MCPH1: variants seen among roughly 807,000 people sequenced by gnomAD.
The protein encoded by MCPH1 is microcephalin 1, also known as microcephalin.
In MCPH1, 104 loss-of-function variants were observed where a neutral mutation model predicts 84.5. The observed-to-expected ratio is 1.23, with a 90% CI of 1.05 to 1.45. The LOEUF (loss-of-function observed/expected upper bound fraction) is 1.45, where lower values mean the gene tolerates loss of function less well. MCPH1 is among the 40% of genes most tolerant of loss of function. MCPH1 has a pLI of 0.00. For missense variants in MCPH1, 1,498 were observed against 1,005.7 expected, an observed-to-expected ratio of 1.49 and a Z score of -6.62; for synonymous variants, 514 against 366.8, an observed-to-expected ratio of 1.40 and a Z score of -4.58.
chr8:6,640,484 G>C (rs1485393264), intron 13 of MCPH1, among the ~76,000 whole-genome samples: 1 of 152,052 alleles, frequency 6.6e-6, no homozygotes, highest in Non-Finnish European at 1.5e-5. Flanking sequence ...ATCTTAGATA[G>C]GAGATTTATC....
At chr8:6,556,747 G>A (rs1169461552) in intron 12 of MCPH1, among the ~76,000 whole-genome samples, 1 of 152,056 alleles carries the variant, frequency 6.6e-6, no homozygotes, top group Non-Finnish European at 1.5e-5. Flanking sequence ...CCAAGTAGCT[G>A]GGACCACAGC....
At chr8:6,620,274 T>C (rs973686543) in intron 12 of MCPH1, 7 of 152,130 alleles carry the variant, frequency 4.6e-5, no homozygotes, top group African/African-American at 1.5e-4. Flanking sequence ...CATGAGCATA[T>C]ATAAGTGTAT....
At chr8:6,535,099 A>G (rs1364441879) in intron 12 of MCPH1, among the ~76,000 whole-genome samples, 1 of 152,238 alleles carries the variant, frequency 6.6e-6, no homozygotes, top group Non-Finnish European at 1.5e-5. Context: ...ATAATAATTT[A>G]CAAAGTGGTA....
chr8:6,588,306 C>G (rs3020246), intron 12 of MCPH1, among the ~76,000 whole-genome samples: 1 of 151,746 alleles, frequency 6.6e-6, no homozygotes, highest in Admixed American at 6.6e-5. Context: ...AGCAAGTCAC[C>G]GTTATCAGAG....
chr8:6,626,989 A>C (rs2454524), intron 13 of MCPH1: 261,828 of 981,292 alleles, frequency 0.27, 35,354 homozygotes, highest in Non-Finnish European at 0.28. Flanking sequence ...ATTGCCAAAA[A>C]AAAAAAAAAG....
intron 9 of MCPH1, chr8:6,474,069 C>T (rs1176729655): frequency 2.5e-6 from 2 of 790,854 alleles, no homozygotes; most frequent in Non-Finnish European, 4.6e-6. Context: ...ATGTTGGCAT[C>T]TATTCTCAAC....
Position 6,503,084 on chromosome 8 carries a change from C to T in MCPH1, c.2214+3155C>T, listed in dbSNP as rs775100583. ...TTGAAAATAGTTCGAGACAGTTCCT[C>T]AGGTGGACTGGGATGTTTAGAAATC... On this transcript the variant is annotated intron_variant, in intron 12 of 13. Transcript: ENST00000344683. 1.1e-5 allele frequency: 17 copies of T among 1,613,846 alleles called. No individual in the cohort carries two copies. In the African/African-American group the frequency reaches 2.1e-4, roughly 20 times the overall value.
chr8:6,434,813 G>C (rs2440420), intron 4 of MCPH1, among the ~76,000 whole-genome samples: 140,024 of 152,274 alleles, frequency 0.92, 65,110 homozygotes, highest in East Asian at 0.99. Flanking sequence ...CGCTGAAAAC[G>C]AAGGAACCTA....
chr8:6,456,452 C>G (rs1484137958), intron 9 of MCPH1, among the ~76,000 whole-genome samples: 1 of 152,200 alleles, frequency 6.6e-6, no homozygotes, highest in Non-Finnish European at 1.5e-5. Flanking sequence ...GCCGCTTGAC[C>G]TAGTTCATTT....
chr8:6,600,482 G>A (rs2442565), intron 12 of MCPH1, among the ~76,000 whole-genome samples: 68,858 of 152,168 alleles, frequency 0.45, 17,546 homozygotes, highest in Middle Eastern at 0.62. Context: ...GGATTGGGGC[G>A]GCACTGGCCA....
chr8:6,562,854 G>A (rs779872359), intron 12 of MCPH1: 1 of 1,613,250 alleles, frequency 6.2e-7, no homozygotes, highest in Non-Finnish European at 8.5e-7. Context: ...TTCCTATGCT[G>A]TCCATGCTCT....
intron 12 of MCPH1, among the ~76,000 whole-genome samples, chr8:6,518,216 A>T (rs1363987365): frequency 6.6e-6 from 1 of 152,174 alleles, no homozygotes; most frequent in African/African-American, 2.4e-5. Flanking sequence ...CCCATTTCAC[A>T]TGCATCCTCT....
chr8:6,458,757 G>T (rs1426208571), intron 9 of MCPH1, among the ~76,000 whole-genome samples: 2 of 152,052 alleles, frequency 1.3e-5, no homozygotes, highest in Non-Finnish European at 2.9e-5. Flanking sequence ...CGATTCTCCT[G>T]CCCCAGCCTC....
chr8:6,531,242 G>T (rs1563076574), intron 12 of MCPH1, among the ~76,000 whole-genome samples: 1 of 150,754 alleles, frequency 6.6e-6, no homozygotes. Flanking sequence ...TTCTTCTTTT[G>T]AAATTTTCCT....
At chr8:6,434,328 A>G (rs1480891981) in intron 4 of MCPH1, among the ~76,000 whole-genome samples, 1 of 152,204 alleles carries the variant, frequency 6.6e-6, no homozygotes, top group Non-Finnish European at 1.5e-5. Flanking sequence ...CCCCACTGGC[A>G]GAGCCTCCAG....
chr8:6,444,723 C>T lies in MCPH1; in HGVS notation c.1001C>T (p.Pro334Leu), dbSNP rs752969100. 2.5e-6 allele frequency: 4 copies of T among 1,613,940 alleles called. 1 individual carries two copies. Among genetic ancestry groups the T allele is most frequent in the South Asian group, 2.2e-5 (2 of 91,068 alleles). ...TTTGAAGAGAAGTATCGTTTGTCTC[C>T]TACCTTATCTTCAACAAAAGGCCAC... The part of the protein sequence containing the change: ...ETFEEKYRLS[P>L]TLSSTKGHLL... Residue 334 changes from proline (P) to leucine (L), a missense_variant, in exon 8 of 14, where the codon CCT (proline) becomes CTT (leucine). By Grantham distance (98) the Pro-to-Leu change is moderately conservative. Transcript: ENST00000344683.
At chr8:6,475,889 T>G (rs1808384124) in intron 9 of MCPH1, among the ~76,000 whole-genome samples, 1 of 152,108 alleles carries the variant, frequency 6.6e-6, no homozygotes, top group Admixed American at 6.5e-5. Flanking sequence ...AGACTGTCTC[T>G]TAGAGAGGCC....
At chr8:6,455,103 T>C (rs780607325) in intron 8 of MCPH1, 40 bp from the exon 9 acceptor site, 1 of 1,484,514 alleles carries the variant, frequency 6.7e-7, no homozygotes, top group East Asian at 2.3e-5. Context: ...ATTTGGTCCA[T>C]GTAAAGTTCT....
intron 6 of MCPH1, among the ~76,000 whole-genome samples, chr8:6,441,083 G>C (rs1432894031): frequency 6.6e-6 from 1 of 152,174 alleles, no homozygotes; most frequent in South Asian, 2.1e-4. Flanking sequence ...TGGCTGGAAT[G>C]TGGTCATATG....
Sources: allele counts gnomAD v4.1 joint callset (sites outside exome capture counted in the v4.1 genomes callset), GRCh38; gene constraint gnomAD v4.1.1; transcripts MANE v1.5; gene names NCBI Gene and HGNC (gene_info 2026-07-23, HGNC 2026-07-21).